TNFAIP8: variants seen among roughly 807,000 people sequenced by gnomAD.
The protein encoded by TNFAIP8 is TNF alpha induced protein 8.
TNFAIP8 carries 7 observed loss-of-function variants against 13.3 expected under a neutral mutation model. The observed-to-expected ratio is 0.52, with a 90% confidence interval of 0.30 to 0.99. TNFAIP8 has a LOEUF of 0.99. Ranked by LOEUF, TNFAIP8 falls within the 50% of genes least tolerant of loss-of-function variation. The pLI is 0.07. For synonymous variants in TNFAIP8, 94 were observed against 87.6 expected (o/e 1.07, Z -0.41); for missense variants, 258 against 236.9 (o/e 1.09, Z -0.58).
intron 1 of TNFAIP8, among the ~76,000 whole-genome samples, chr5:119,385,180 C>G (rs564585407): frequency 6.6e-6 from 1 of 152,324 alleles, no homozygotes; most frequent in African/African-American, 2.4e-5. Flanking sequence ...GAAATGACCT[C>G]CAGTGTAGAA....
At chr5:119,348,241 C>T (rs1750979179) in intron 1 of TNFAIP8, among the ~76,000 whole-genome samples, 1 of 152,206 alleles carries the variant, frequency 6.6e-6, no homozygotes, top group African/African-American at 2.4e-5. Context: ...AGTTGCATAA[C>T]TGTCTCACAC....
chr5:119,322,199 G>A (rs772863539), intron 1 of TNFAIP8, among the ~76,000 whole-genome samples: 6 of 152,114 alleles, frequency 3.9e-5, no homozygotes, highest in South Asian at 2.1e-4. Context: ...CCTCCACAGC[G>A]TTTATCTCCA....
intron 1 of TNFAIP8, among the ~76,000 whole-genome samples, chr5:119,322,147 C>T (rs1750077138): frequency 6.6e-6 from 1 of 152,214 alleles, no homozygotes; most frequent in Admixed American, 6.5e-5. Context: ...ATGCTCCTCT[C>T]TCCCACCCAC....
At chr5:119,297,491 T>A (rs1251059574) in intron 1 of TNFAIP8, among the ~76,000 whole-genome samples, 6 of 152,224 alleles carry the variant, frequency 3.9e-5, no homozygotes, top group Non-Finnish European at 8.8e-5. Context: ...TAATTTCTGT[T>A]CTTTTACATT....
rs537323763 is a variant in TNFAIP8, at chr5:119,389,577, A to C, written c.32-3239A>C. Among the ~76,000 whole-genome samples the C allele has an allele frequency of 3.3e-5, 5 of 152,342 alleles. No homozygotes were observed. The South Asian group carries it at 1.0e-3, about 32-fold the overall frequency. ...AAAAAGAAACAAACTTCATGAGCACAGACCACACATCCCTGGCCAGCGACT... is the reference window on the plus strand; with the variant it reads ...AAAAAGAAACAAACTTCATGAGCACCGACCACACATCCCTGGCCAGCGACT... On this transcript the variant is annotated intron_variant, in intron 1 of 1. Transcript: ENST00000504771.
At position 119,393,894 on chromosome 5, in the gene TNFAIP8, G is replaced by A. The variant is rs1752997929; in HGVS notation, c.*513G>A. ...TTAAGATTGAGTCATCGACATTCAG[G>A]ATTTAAGTCTGAGGTAGTCAACCCT... is the stretch of plus-strand genomic sequence containing the variant. On this transcript the variant is annotated 3_prime_UTR_variant, in exon 2 of 2. Coordinates refer to ENST00000504771, the MANE Select transcript of TNFAIP8 (RefSeq NM_014350.4). 6.5e-6 allele frequency: 1 copy of A among 154,590 alleles called. No individual in the cohort carries two copies. Among genetic ancestry groups the A allele is most frequent in the Admixed American group, 6.3e-5 (1 of 15,838 alleles). 9.6% of individuals were successfully genotyped at this position (154,590 alleles called of 1,614,324 possible).
At chr5:119,306,314 C>CTTTTTTTTTTTTTTTTTTTT (rs1324521590) in intron 1 of TNFAIP8, 6 of 135,930 alleles carry the variant, frequency 4.4e-5, no homozygotes, top group African/African-American at 2.0e-4. Context: ...TTCTTTCTTT[C>CTTTTTTTTTTTTTTTTTTTT]TTTCTTTTTC....
chr5:119,372,586 A>G (rs750480260), intron 1 of TNFAIP8, among the ~76,000 whole-genome samples: 2 of 152,250 alleles, frequency 1.3e-5, no homozygotes, highest in African/African-American at 4.8e-5. Flanking sequence ...TAAAGGCTCC[A>G]GTCTTTTAGA....
chr5:119,285,328 T>G (rs1378960768), intron 1 of TNFAIP8, among the ~76,000 whole-genome samples: 1 of 152,150 alleles, frequency 6.6e-6, no homozygotes, highest in African/African-American at 2.4e-5. Context: ...TACTTTTCAT[T>G]CTCATTTTAA....
chr5:119,374,595 C>G (rs1336022508), intron 1 of TNFAIP8, among the ~76,000 whole-genome samples: 2 of 152,174 alleles, frequency 1.3e-5, no homozygotes, highest in Non-Finnish European at 2.9e-5. Context: ...GTTGCCAGCG[C>G]AGGGAACAGA....
chr5:119,391,572 C>T lies in TNFAIP8; in HGVS notation c.32-1244C>T, dbSNP rs529608445. 3.4e-5 allele frequency: 19 copies of T among 561,874 alleles called. No homozygotes were observed. In the African/African-American group the frequency reaches 3.6e-4, roughly 11 times the overall value. 34.8% of individuals were successfully genotyped at this position (561,874 alleles called of 1,614,324 possible). On this transcript the variant is annotated intron_variant, in intron 1 of 1. Coordinates refer to ENST00000504771, the MANE Select transcript of TNFAIP8 (RefSeq NM_014350.4). The stretch of plus-strand genomic sequence containing the variant: ...GCCAGGAGTTCGAGACCAGCCTGGC[C>T]AACATGGTGAAACCCCGTCTCTACT...
intron 1 of TNFAIP8, among the ~76,000 whole-genome samples, chr5:119,349,055 C>A (rs1022221446): frequency 1.2e-4 from 18 of 152,178 alleles, no homozygotes; most frequent in Non-Finnish European, 2.5e-4. Context: ...TCAGCCCCAC[C>A]TTTCCTCTTC....
In TNFAIP8 at chr5:119,280,048, C is replaced by T. The variant is rs550078570; in HGVS notation, c.1+11141C>T. On this transcript the variant is annotated intron_variant, in intron 1 of 1. Coordinates refer to the TNFAIP8 transcript ENST00000274456. ...AGATTTTCTTAATGCTTTTTTAATA[C>T]TTTTATTGTAAAACATAAATATCAA... 5.7e-4 allele frequency among the ~76,000 whole-genome samples: 86 copies of T among 152,166 alleles called. 1 individual carries two copies. Among genetic ancestry groups the T allele is most frequent in the African/African-American group, 2.0e-3 (84 of 41,526 alleles).
intron 1 of TNFAIP8, among the ~76,000 whole-genome samples, chr5:119,304,729 A>T (rs1263009524): frequency 2.0e-5 from 3 of 152,206 alleles, no homozygotes; most frequent in African/African-American, 7.2e-5. Flanking sequence ...AACTGATACT[A>T]TCCTTTTAGA....
chr5:119,269,434 ATG>A (rs113644241), intron 1 of TNFAIP8, among the ~76,000 whole-genome samples: 8 of 151,238 alleles, frequency 5.3e-5, no homozygotes, highest in African/African-American at 1.5e-4. Flanking sequence ...GAGGAAGAAA[ATG>A]TGTGTGTGTG....
At position 119,297,623 on chromosome 5, in the gene TNFAIP8, C is replaced by T. The variant is rs982424391; in HGVS notation, c.1+28716C>T. ...GAGTTCTGTAGATGTCTATTAGGTC[C>T]GCTTGGTGCAGAGCTGAGTTCAATT... On this transcript the variant is annotated intron_variant, in intron 1 of 1. Transcript: ENST00000274456. 2.0e-3 allele frequency among the ~76,000 whole-genome samples: 303 copies of T among 152,200 alleles called. 4 individuals are homozygous for T. Among genetic ancestry groups the T allele is most frequent in the Non-Finnish European group, 1.9e-3 (130 of 68,018 alleles).
chr5:119,351,876 A>C (rs1228287132), upstream of TNFAIP8, among the ~76,000 whole-genome samples: 2 of 140,040 alleles, frequency 1.4e-5, no homozygotes, highest in African/African-American at 5.7e-5. Context: ...TGCAACCTCC[A>C]CCTCCTGGGT....
chr5:119,391,576 A>G (rs1249915075), intron 1 of TNFAIP8: 4 of 555,412 alleles, frequency 7.2e-6, no homozygotes, highest in Non-Finnish European at 6.7e-6. Flanking sequence ...CCTGGCCAAC[A>G]TGGTGAAACC....
intron 1 of TNFAIP8, among the ~76,000 whole-genome samples, chr5:119,280,106 TGAATTATTACAAAG>T (rs1420851080): frequency 1.3e-5 from 2 of 152,170 alleles, no homozygotes; most frequent in Non-Finnish European, 2.9e-5. Flanking sequence ...CACAACTTAG[TGAATTATTACAAAG>T]CAAACACCCA....
Sources: allele counts gnomAD v4.1 joint callset (sites outside exome capture counted in the v4.1 genomes callset), GRCh38; gene constraint gnomAD v4.1.1; transcripts MANE v1.5; gene names NCBI Gene and HGNC (gene_info 2026-07-23, HGNC 2026-07-21).